MED24: variants seen among roughly 807,000 people sequenced by gnomAD.
MED24 encodes the protein mediator of RNA polymerase II transcription subunit 24.
A neutral mutation model predicts 118.8 loss-of-function variants in MED24; 74 were observed. The observed-to-expected ratio is 0.62, with a 90% confidence interval of 0.52 to 0.76. MED24 has a LOEUF of 0.76. MED24 is among the 30% of genes least tolerant of loss of function. The probability of loss-of-function intolerance (pLI) is 0.00; values close to 1 mark genes in which losing one functional copy is unlikely to be tolerated. For missense variants in MED24, 1,041 were observed against 1,278.9 expected (o/e 0.81, Z 2.84); for synonymous variants, 521 against 523.9 (o/e 0.99, Z 0.08).
intron 23 of MED24, among the ~76,000 whole-genome samples, chr17:40,020,962 A>G (rs1981911195): frequency 6.6e-6 from 1 of 151,892 alleles, no homozygotes; most frequent in Non-Finnish European, 1.5e-5. Flanking sequence ...AGTCCCAGAG[A>G]CTCAGGAGGC....
Position 40,022,621 on chromosome 17 carries a change from G to A in MED24, c.2432+24C>T, listed in dbSNP as rs369874600. 1.1e-5 allele frequency: 17 copies of A among 1,612,084 alleles called. No homozygotes were observed. The African/African-American group carries it at 2.0e-4, about 19-fold the overall frequency. On this transcript the variant is annotated intron_variant, in intron 21 of 25. Transcript: ENST00000394128. ...GCTTGACCCTGGGTGGCCGGAGCAG[G>A]GCAAGCTCTGAAGAGAATCTTACTT...
chr17:40,027,018 G>C lies in MED24; in HGVS notation c.1547C>G (p.Ser516Trp). Residue 516 changes from serine (S) to tryptophan (W), a missense_variant, in exon 17 of 26, where the codon TCG becomes TGG. Physicochemically the swap from Ser to Trp is radical, Grantham distance 177. This residue lies in a region of MED24 where 587 missense variants were observed against 694.4 expected (regional missense o/e 0.85). Coordinates refer to ENST00000394128, the MANE Select transcript of MED24 (RefSeq NM_014815.4). ...TYGSEVILSE[S>W]RTGAEVPFFE... ...GAAGGGCACCTCAGCTCCTGTGCGCGACTCGGACAGAATCACCTGGGAAAG... is the reference window on the plus strand; with the variant it reads ...GAAGGGCACCTCAGCTCCTGTGCGCCACTCGGACAGAATCACCTGGGAAAG... 1 of 1,614,062 alleles carries C rather than the reference G, an allele frequency of 6.2e-7. No individual in the cohort carries two copies. The highest frequency in any genetic ancestry group is 1.1e-5 in the South Asian group (1 of 91,074).
intron 3 of MED24, among the ~76,000 whole-genome samples, chr17:40,047,236 GA>G (rs957267395): frequency 6.6e-6 from 1 of 152,154 alleles, no homozygotes; most frequent in African/African-American, 2.4e-5. Context: ...ACATTACTAA[GA>G]AATCCAAATA....
chr17:40,036,649 C>T (rs544501178), intron 3 of MED24, among the ~76,000 whole-genome samples: 70 of 140,472 alleles, frequency 5.0e-4, no homozygotes, highest in African/African-American at 1.8e-3. Flanking sequence ...GATTGTGCCA[C>T]TGCAGTCCAG....
At position 40,035,322 on chromosome 17, in the gene MED24, G is replaced by C; in HGVS notation, c.354C>G (p.Ile118Met). Residue 118 changes from isoleucine (I) to methionine (M), a missense_variant, in exon 6 of 26, where the codon ATC becomes ATG. Transcript: ENST00000394128. ...CGCTAAGAAGGGCTCGGCACAGTCC[G>C]ATGCATTCCTCTGCTTTGCCGTGAC... ...LSCHGKAEECIGLCRALLSAL... is the reference protein window; with the variant it reads ...LSCHGKAEECMGLCRALLSAL... 1 of 1,597,846 alleles carries C rather than the reference G, an allele frequency of 6.3e-7. No homozygotes were observed. The highest frequency in any genetic ancestry group is 8.6e-7 in the Non-Finnish European group (1 of 1,168,432).
chr17:40,054,326 C>G (rs1475306555), intron 1 of MED24, 35 bp downstream of exon 1: 1 of 152,692 alleles, frequency 6.5e-6, no homozygotes, highest in Non-Finnish European at 1.5e-5. Flanking sequence ...TCCCAATTTC[C>G]TTTTCATCCA....
intron 24 of MED24, 35 bp from the exon 25 acceptor site, chr17:40,019,968 T>G: frequency 6.4e-7 from 1 of 1,551,770 alleles, no homozygotes; most frequent in Non-Finnish European, 8.7e-7. Context: ...CAGGAGGGAG[T>G]TCCATGAGAG....
intron 15 of MED24, chr17:40,027,705 A>G (rs765639154): frequency 3.1e-5 from 21 of 676,118 alleles, no homozygotes; most frequent in Non-Finnish European, 4.0e-5. Flanking sequence ...TGAGGGGGGG[A>G]AGGAGACACA....
At chr17:40,026,827 C>T (rs1212535118) in intron 17 of MED24, 29 bp downstream of exon 17, 1 of 1,611,260 alleles carries the variant, frequency 6.2e-7, no homozygotes. Context: ...CCCACCGCCA[C>T]CCTTGGAGTG....
chr17:40,027,482 A>G lies in MED24; in HGVS notation c.1448-17T>C. On this transcript the variant is annotated splice_polypyrimidine_tract_variant and intron_variant, in intron 15 of 25. Transcript: ENST00000394128. ...CCGGTTTGGCTGTGGAAGGACGGGA[A>G]GGCTGAGCTCCCAGACGAGGGCAGG... The G allele has an allele frequency of 6.2e-7, 1 of 1,603,952 alleles. No individual in the cohort carries two copies. Among genetic ancestry groups the G allele is most frequent in the Non-Finnish European group, 8.5e-7 (1 of 1,174,924 alleles).
At chr17:40,041,634 A>G (rs1984572810) in intron 3 of MED24, among the ~76,000 whole-genome samples, 1 of 151,734 alleles carries the variant, frequency 6.6e-6, no homozygotes, top group Middle Eastern at 3.2e-3. Flanking sequence ...CCACATCCCA[A>G]CCCTACTCTG....
chr17:40,032,061 C>G lies in MED24; in HGVS notation c.966G>C (p.Lys322Asn), dbSNP rs200719726. The change falls in exon 10 of 26, where the codon AAG becomes AAC. Residue 322 changes from lysine (K) to asparagine (N), a missense_variant. Transcript: ENST00000394128. Reference protein sequence around the residue: ...KIPQVLVKLKKYSHGDKDFTE... With the variant: ...KIPQVLVKLKNYSHGDKDFTE... ...AACTCACCTTGTCTCCATGAGAGTA[C>G]TTCTTCAACTTCACCAAAACCTGTG... 6.2e-7 allele frequency: 1 copy of G among 1,613,828 alleles called. No individual in the cohort carries two copies.
At chr17:40,027,581 A>T (rs988824612) in intron 15 of MED24, 116 bp from the exon 16 acceptor site, 10 of 948,746 alleles carry the variant, frequency 1.1e-5, no homozygotes, top group Non-Finnish European at 1.6e-5. Flanking sequence ...GGCTCCTTCA[A>T]AGCTCTGAGG....
At chr17:40,034,978 G>A in intron 6 of MED24, 139 bp downstream of exon 6, 1 of 1,606,400 alleles carries the variant, frequency 6.2e-7, no homozygotes, top group East Asian at 2.2e-5. Context: ...CAATGCTTAT[G>A]GGGAGAAAAA....
At chr17:40,024,156 AAGG>A (rs1248154701) in intron 19 of MED24, among the ~76,000 whole-genome samples, 1 of 152,140 alleles carries the variant, frequency 6.6e-6, no homozygotes, top group South Asian at 2.1e-4. Flanking sequence ...GAAAGGAAAA[AAGG>A]AGGAGGCAAG....
In MED24 at chr17:40,033,786, G is replaced by A. The variant is rs1331141493; in HGVS notation, c.560-330C>T. On this transcript the variant is annotated intron_variant, in intron 6 of 25. Coordinates refer to ENST00000394128, the MANE Select transcript of MED24 (RefSeq NM_014815.4). The surrounding 1 kb of genome is among the most constrained non-coding windows in gnomAD (Gnocchi z 5.2). ...GAATCCAGTGGCTGGAACAGGGAGG[G>A]CGGCCACAAATCACTCGAGGAGTGA... The A allele has an allele frequency of 2.0e-6, 1 of 507,718 alleles. No homozygotes were observed. The highest frequency in any genetic ancestry group is 2.3e-5 in the Admixed American group (1 of 43,970). The allele number at this position is 507,718 out of a possible 1,614,324, so 31.5% of individuals were successfully genotyped here.
At chr17:40,026,389 C>A in intron 18 of MED24, 58 bp from the exon 19 acceptor site, 1 of 1,583,662 alleles carries the variant, frequency 6.3e-7, no homozygotes, top group South Asian at 1.1e-5. Context: ...GAGCCAACAT[C>A]ACCTTCTCAG....
At chr17:40,048,511 A>G (rs1451512891) in intron 3 of MED24, among the ~76,000 whole-genome samples, 1 of 152,268 alleles carries the variant, frequency 6.6e-6, no homozygotes, top group African/African-American at 2.4e-5. Flanking sequence ...TGCATAGATA[A>G]AAGATCTATT....
chr17:40,025,910 C>T (rs762421786), intron 19 of MED24, among the ~76,000 whole-genome samples: 5 of 152,134 alleles, frequency 3.3e-5, no homozygotes, highest in African/African-American at 1.2e-4. Context: ...TGAGTCTCTG[C>T]GGGCAGACCC....
Sources: allele counts gnomAD v4.1 joint callset (sites outside exome capture counted in the v4.1 genomes callset), GRCh38; gene constraint gnomAD v4.1.1; regional missense constraint gnomAD v4.1.1; non-coding constraint Gnocchi (gnomAD v3.1); transcripts MANE v1.5; gene names NCBI Gene and HGNC (gene_info 2026-07-23, HGNC 2026-07-21).